EPB41: variants seen among roughly 807,000 people sequenced by gnomAD.
EPB41 encodes the protein erythrocyte membrane protein band 4.1, also known as protein 4.1.
EPB41 carries 65 observed loss-of-function variants against 108.0 expected under a neutral mutation model. That is an observed-to-expected ratio of 0.60 (90% CI 0.49 to 0.74). EPB41 has a LOEUF of 0.74. Among genes scored for constraint, EPB41 ranks in the 30% least tolerant of loss-of-function variants. The pLI, the probability that EPB41 is intolerant of heterozygous loss-of-function variation, is 0.00. For missense variants in EPB41, 875 were observed against 1,037.0 expected, an observed-to-expected ratio of 0.84 and a Z score of 2.15; for synonymous variants, 336 against 358.9, an observed-to-expected ratio of 0.94 and a Z score of 0.72.
intron 14 of EPB41, among the ~76,000 whole-genome samples, chr1:29,059,080 G>GC (rs760863688): frequency 9.9e-5 from 15 of 152,060 alleles, no homozygotes; most frequent in Non-Finnish European, 1.5e-4. Flanking sequence ...TTTGAGACCA[G>GC]CCTGGCCAAC....
intron 4 of EPB41, among the ~76,000 whole-genome samples, chr1:29,003,076 A>G (rs1259869169): frequency 6.6e-6 from 1 of 152,198 alleles, no homozygotes. Context: ...AGCTTAGACC[A>G]AAACAATGGC....
chr1:29,030,729 T>C (rs1178880104), intron 8 of EPB41, among the ~76,000 whole-genome samples: 1 of 151,856 alleles, frequency 6.6e-6, no homozygotes, highest in Non-Finnish European at 1.5e-5. Context: ...TGAGCCCTGA[T>C]TGTGCCACTG....
chr1:29,071,709 G>T (rs894965060), intron 16 of EPB41: 2 of 151,728 alleles, frequency 1.3e-5, no homozygotes, highest in African/African-American at 4.9e-5. Context: ...CTCTCTTCAG[G>T]ACAACTCACA....
In EPB41 at chr1:29,018,385, C is replaced by A; in HGVS notation, c.1067C>A (p.Ala356Asp). 1 of 1,614,094 alleles carries A rather than the reference C, an allele frequency of 6.2e-7. No homozygotes were observed. Among genetic ancestry groups the A allele is most frequent in the Non-Finnish European group, 8.5e-7 (1 of 1,180,026 alleles). ...GVDYVSDFKLAPNQTKELEEK... is the reference protein window; with the variant it reads ...GVDYVSDFKLDPNQTKELEEK... ...GATTATGTTAGTGATTTTAAACTGG[C>A]CCCGAATCAGACCAAGGAACTTGAA... The change falls in exon 7 of 21, where the codon GCC becomes GAC. Residue 356 changes from alanine (A) to aspartate (D), a missense_variant. Physicochemically the swap from Ala to Asp is moderately radical, Grantham distance 126. Coordinates refer to ENST00000343067, the MANE Select transcript of EPB41 (RefSeq NM_001376013.1). The surrounding 1 kb of genome is among the most constrained non-coding windows in gnomAD (Gnocchi z 4.4).
intron 16 of EPB41, 154 bp downstream of exon 16, chr1:29,065,312 A>G: frequency 7.4e-7 from 1 of 1,348,668 alleles, no homozygotes; most frequent in Non-Finnish European, 9.6e-7. Flanking sequence ...GTAATCAAAT[A>G]TTTATTTTTT....
intron 16 of EPB41, among the ~76,000 whole-genome samples, chr1:29,084,701 A>G (rs1380928988): frequency 1.3e-5 from 2 of 152,156 alleles, no homozygotes; most frequent in East Asian, 3.8e-4. Flanking sequence ...GAAATATTCT[A>G]TTTTCTTTCT....
At position 28,994,171 on chromosome 1, in the gene EPB41, T is replaced by G. The variant is rs192725149; in HGVS notation, c.681+629T>G. ...CTTCAGGACAAGTTGACAATTTTTT[T>G]TTTGTTTGTTTGTTTTTTGAGACAG... On this transcript the variant is annotated intron_variant, in intron 3 of 20. Transcript: ENST00000343067. 1.7e-4 allele frequency among the ~76,000 whole-genome samples: 26 copies of G among 152,186 alleles called. No homozygotes were observed. The East Asian group carries it at 3.3e-3, about 19-fold the overall frequency.
chr1:28,993,210 T>C, intron 2 of EPB41, 120 bp from the exon 3 acceptor site: 1 of 792,374 alleles, frequency 1.3e-6, no homozygotes, highest in Non-Finnish European at 2.2e-6. Flanking sequence ...TTAATATTAA[T>C]GTCACCTATA....
intron 1 of EPB41, among the ~76,000 whole-genome samples, chr1:28,927,306 T>C (rs1408424976): frequency 1.3e-5 from 2 of 152,216 alleles, no homozygotes; most frequent in African/African-American, 4.8e-5. Context: ...CATATTGTGT[T>C]CCTCTTTTTG....
At chr1:29,091,510 G>A (rs889959640) in intron 16 of EPB41, among the ~76,000 whole-genome samples, 1 of 152,148 alleles carries the variant, frequency 6.6e-6, no homozygotes, top group Admixed American at 6.6e-5. Context: ...ATTCATTCTA[G>A]TGTCCCCCAG....
In EPB41 at chr1:28,987,807, G is replaced by A; in HGVS notation, c.370G>A (p.Glu124Lys). The change falls in exon 2 of 21, where the codon GAA becomes AAA. Residue 124 changes from glutamate (E) to lysine (K), a missense_variant. Glu to Lys is a moderately conservative substitution (Grantham distance 56, BLOSUM62 1). Transcript: ENST00000343067. ...KEIEFGTSLD[E>K]EIILKAPIAA... is the part of the protein sequence containing the mutation. ...GATAGAATTTGGAACCAGTCTTGAT[G>A]AAGAGATCATTTTAAAGGCCCCAAT... is the stretch of plus-strand genomic sequence containing the variant. 5.0e-6 allele frequency: 8 copies of A among 1,614,210 alleles called. No homozygotes were observed. Among genetic ancestry groups the A allele is most frequent in the African/African-American group, 1.3e-5 (1 of 75,046 alleles).
chr1:28,887,603 T>A lies in EPB41; in HGVS notation c.-8+393T>A. ...CCCCGCCTTGCCCGGCCCCGCATGC[T>A]CCTGCCGGGCCCGCAGCAGCGCTGG... On this transcript the variant is annotated intron_variant, in intron 1 of 16. Coordinates refer to the EPB41 transcript ENST00000347529. The surrounding 1 kb of genome is among the most constrained non-coding windows in gnomAD (Gnocchi z 4.9). 4.1e-6 allele frequency: 4 copies of A among 985,072 alleles called. No individual in the cohort carries two copies. Among genetic ancestry groups the A allele is most frequent in the Non-Finnish European group, 3.6e-6 (3 of 829,754 alleles). 61.0% of individuals were successfully genotyped at this position (985,072 alleles called of 1,614,324 possible). A position where few individuals can be genotyped will look rare whatever the true frequency, so the allele number is the denominator to read the frequency against.
chr1:29,042,538 GCA>G (rs1404610300), intron 11 of EPB41, among the ~76,000 whole-genome samples: 1 of 152,022 alleles, frequency 6.6e-6, no homozygotes, highest in African/African-American at 2.4e-5. Context: ...GAGTGCAGTG[GCA>G]CAGTCTCAGC....
chr1:28,897,638 A>G (rs138990066), intron 1 of EPB41, among the ~76,000 whole-genome samples: 351 of 9,846 alleles, frequency 0.036, 5 homozygotes, highest in East Asian at 0.075. Flanking sequence ...AGGAGGGGAG[A>G]GGAGGGGAGA....
upstream of EPB41, among the ~76,000 whole-genome samples, chr1:28,909,882 A>G (rs2092131258): frequency 6.6e-6 from 1 of 152,132 alleles, no homozygotes; most frequent in Non-Finnish European, 1.5e-5. Flanking sequence ...CAGGAGTTCG[A>G]GACCAGTGTG....
chr1:28,938,185 A>C (rs1221376176), intron 1 of EPB41, among the ~76,000 whole-genome samples: 3 of 152,186 alleles, frequency 2.0e-5, no homozygotes, highest in African/African-American at 7.2e-5. Context: ...TGTTCTGGCT[A>C]TCCCTTGTAT....
intron 1 of EPB41, among the ~76,000 whole-genome samples, chr1:28,943,293 T>C (rs2094368103): frequency 6.6e-6 from 1 of 152,168 alleles, no homozygotes; most frequent in Non-Finnish European, 1.5e-5. Flanking sequence ...AAAGAAGATA[T>C]ACAGATGACA....
At chr1:29,042,483 GT>G (rs997241829) in intron 11 of EPB41, among the ~76,000 whole-genome samples, 1 of 151,560 alleles carries the variant, frequency 6.6e-6, no homozygotes, top group African/African-American at 2.4e-5. Context: ...GTTTTGTTTT[GT>G]TTTGTTTTTT....
intron 17 of EPB41, among the ~76,000 whole-genome samples, chr1:29,103,286 G>A (rs1666072521): frequency 6.6e-6 from 1 of 152,210 alleles, no homozygotes; most frequent in Non-Finnish European, 1.5e-5. Context: ...CCTGTGGTGT[G>A]GGTGTAGGTA....
Sources: gnomAD v4.1 joint callset for allele counts (sites outside exome capture counted in the v4.1 genomes callset) on GRCh38, gnomAD v4.1.1 for gene constraint, Gnocchi (gnomAD v3.1) non-coding constraint, MANE v1.5 for transcripts, NCBI Gene and HGNC (gene_info 2026-07-23, HGNC 2026-07-21) for gene names.